ACTR6: variants seen among roughly 807,000 people sequenced by gnomAD.
ACTR6 encodes actin-related protein 6.
Under a neutral mutation model 52.5 loss-of-function variants are expected in ACTR6, and 50 were observed. The observed-to-expected ratio is 0.95, with a 90% CI of 0.76 to 1.20. The LOEUF is 1.20. Ranked by LOEUF, ACTR6 falls within the 50% of genes most tolerant of loss-of-function variation. The pLI, the probability that ACTR6 is intolerant of heterozygous loss-of-function variation, is 0.00. For synonymous variants in ACTR6, 135 were observed against 147.2 expected, an observed-to-expected ratio of 0.92 and a Z score of 0.60; for missense variants, 344 against 472.4, an observed-to-expected ratio of 0.73 and a Z score of 2.52.
chr12:100,208,853 C>T (rs1289871584), intron 4 of ACTR6: 11 of 441,068 alleles, frequency 2.5e-5, no homozygotes, highest in Middle Eastern at 5.9e-4. Flanking sequence ...CTCAAGGGAT[C>T]CTCCCGCCTC....
chr12:100,222,261 T>TG (rs1566299117), intron 10 of ACTR6, among the ~76,000 whole-genome samples: 2 of 148,674 alleles, frequency 1.3e-5, no homozygotes, highest in African/African-American at 5.0e-5. Context: ...CTTTGGGTTT[T>TG]TTTTTTTTTT....
rs753713858 is a variant in ACTR6 at position 100,218,479 on chromosome 12, A to T, written c.815A>T (p.Asn272Ile). Residue 272 changes from asparagine (N) to isoleucine (I), a missense_variant, in exon 9 of 11, where the codon AAT (asparagine) becomes ATT (isoleucine). By Grantham distance (149) the Asn-to-Ile change is moderately radical. Transcript: ENST00000188312. The surrounding 1 kb of genome is among the most constrained non-coding windows in gnomAD (Gnocchi z 4.2). Reference sequence around the variant, plus strand: ...GGGGAACAAATTCTTCGTTTGGCCAATGAGAGATTTGCTGTTCCGGAAATA... The same window carrying T: ...GGGGAACAAATTCTTCGTTTGGCCATTGAGAGATTTGCTGTTCCGGAAATA... ...KSGEQILRLA[N>I]ERFAVPEILF... 1.2e-6 allele frequency: 2 copies of T among 1,609,302 alleles called. No individual in the cohort carries two copies. Among genetic ancestry groups the T allele is most frequent in the Non-Finnish European group, 1.7e-6 (2 of 1,177,858 alleles).
At chr12:100,209,277 A>G (rs1346843613) in intron 4 of ACTR6, among the ~76,000 whole-genome samples, 1 of 152,216 alleles carries the variant, frequency 6.6e-6, no homozygotes, top group Non-Finnish European at 1.5e-5. Flanking sequence ...TCATGCCTGT[A>G]ATCCCAGAAC....
At chr12:100,207,509 C>A (rs1026120161) in intron 3 of ACTR6, among the ~76,000 whole-genome samples, 154 bp from the exon 4 acceptor site, 2 of 152,168 alleles carry the variant, frequency 1.3e-5, no homozygotes, top group South Asian at 4.1e-4. Context: ...ACTTATTTAA[C>A]TTTTCTGTGC....
intron 6 of ACTR6, among the ~76,000 whole-genome samples, chr12:100,210,947 T>C (rs1320155065): frequency 6.6e-6 from 1 of 152,178 alleles, no homozygotes; most frequent in Non-Finnish European, 1.5e-5. Context: ...CTAATTGGCT[T>C]TCCATCGCTA....
intron 1 of ACTR6, chr12:100,203,879 G>A: frequency 6.6e-6 from 1 of 152,114 alleles, no homozygotes; most frequent in Non-Finnish European, 1.5e-5. Context: ...TCGATCTCCT[G>A]ACCTCGTGAT....
chr12:100,220,014 A>AGCCG lies in ACTR6; in HGVS notation c.930_933dup (p.His312AlafsTer5). ...TCCTTTTCTTCTTTTAAAGAAATGC[A>AGCCG]GCCGCATTTTTTTAAGAACATTGTC... On this transcript the variant is annotated frameshift_variant, in exon 10 of 11. Transcript: ENST00000188312. LOFTEE classifies it high-confidence loss of function. 6.2e-7 allele frequency: 1 copy of AGCCG among 1,612,670 alleles called. No homozygotes were observed. The highest frequency in any genetic ancestry group is 8.5e-7 in the Non-Finnish European group (1 of 1,179,522).
chr12:100,216,951 CATGGAATTCCCA>C (rs1224808370), intron 8 of ACTR6, among the ~76,000 whole-genome samples: 1 of 152,050 alleles, frequency 6.6e-6, no homozygotes. Flanking sequence ...ATGTTTTGAG[CATGGAATTCCCA>C]AATGATCAAA....
chr12:100,207,736 A>G lies in ACTR6; in HGVS notation c.329A>G (p.Asn110Ser), dbSNP rs2096116081. The part of the protein sequence containing the change: ...FNFTSIQESM[N>S]EILFEEYQFQ... ...TTCACTTCAATTCAAGAATCAATGA[A>G]TGAAATTCTATTTGAAGAATACCAG... Residue 110 changes from asparagine (N) to serine (S), a missense_variant, in exon 4 of 11, where the codon AAT (asparagine) becomes AGT (serine). Physicochemically the swap from Asn to Ser is conservative, Grantham distance 46 (BLOSUM62 1). Transcript: ENST00000188312. 1.3e-6 allele frequency: 2 copies of G among 1,595,248 alleles called. No homozygotes were observed.
At chr12:100,210,260 T>C (rs768429094) in intron 5 of ACTR6, 35 bp from the exon 6 acceptor site, 3 of 1,609,918 alleles carry the variant, frequency 1.9e-6, no homozygotes, top group Non-Finnish European at 2.6e-6. Context: ...CAGAATGATA[T>C]GTGCGATAAT....
intron 8 of ACTR6, among the ~76,000 whole-genome samples, chr12:100,217,410 AC>A (rs574088828): frequency 3.0e-4 from 45 of 152,274 alleles, no homozygotes; most frequent in African/African-American, 1.1e-3. Context: ...ATATTAAGGG[AC>A]CTATCCTTTT....
chr12:100,223,653 G>C, intron 10 of ACTR6, 133 bp from the exon 11 acceptor site: 2 of 1,057,430 alleles, frequency 1.9e-6, no homozygotes, highest in Non-Finnish European at 2.7e-6. Context: ...CTGTTGGGTT[G>C]GGTAGAGCTT....
Position 100,200,837 on chromosome 12 carries a change from G to GT in ACTR6, c.-14dup. The GT allele has an allele frequency of 6.2e-7, 1 of 1,614,002 alleles. No homozygotes were observed. The highest frequency in any genetic ancestry group is 8.5e-7 in the Non-Finnish European group (1 of 1,179,864). On this transcript the variant is annotated 5_prime_UTR_variant, in exon 1 of 11. Transcript: ENST00000188312. ...AAGGGAAAACAACTACGGCTGCGGT[G>GT]TGGTTGGTGGTGAGATGACGACCTT...
chr12:100,218,653 C>A lies in ACTR6; in HGVS notation c.922+67C>A. ...TAAAAACATCATAAGCCCTGTGAAC[C>A]CTGTTTCCTCTAAATAATTTCAGGC... On this transcript the variant is annotated intron_variant, in intron 9 of 10. Transcript: ENST00000188312. This position sits in a 1 kb window ranked among gnomAD's most constrained non-coding sequence, Gnocchi z 4.2. 1 of 1,081,414 alleles carries A rather than the reference C, an allele frequency of 9.2e-7. No individual in the cohort carries two copies. The highest frequency in any genetic ancestry group is 3.6e-5 in the South Asian group (1 of 27,934). 67.0% of individuals were successfully genotyped at this position (1,081,414 alleles called of 1,614,324 possible). A position where few individuals can be genotyped will look rare whatever the true frequency, so the allele number is the denominator to read the frequency against.
intron 3 of ACTR6, among the ~76,000 whole-genome samples, chr12:100,206,939 CAAAGTCCTGGG>C (rs963100604): frequency 6.6e-6 from 1 of 151,846 alleles, no homozygotes. Flanking sequence ...CTCAGCCTCC[CAAAGTCCTGGG>C]ATTACAAGCT....
At chr12:100,202,857 C>CA (rs541518616) in intron 1 of ACTR6, among the ~76,000 whole-genome samples, 12,834 of 110,170 alleles carry the variant, frequency 0.12, 779 homozygotes, top group African/African-American at 0.2. Context: ...GACTCGGTCT[C>CA]AAAAAAAAAA....
intron 6 of ACTR6, 28 bp downstream of exon 6, chr12:100,210,379 G>A (rs1279469858): frequency 1.2e-6 from 2 of 1,605,650 alleles, no homozygotes; most frequent in Non-Finnish European, 8.5e-7. Flanking sequence ...TTCTTTGGGA[G>A]GATGGGGCTC....
chr12:100,205,308 A>T (rs567126203), intron 2 of ACTR6: 36 of 333,766 alleles, frequency 1.1e-4, no homozygotes, highest in Non-Finnish European at 1.6e-4. Context: ...TAGGGAGGCA[A>T]CTGTATATAT....
chr12:100,207,678 A>G lies in ACTR6; in HGVS notation c.271A>G (p.Thr91Ala). Residue 91 changes from threonine (T) to alanine (A), a missense_variant, in exon 4 of 11, where the codon ACT becomes GCT. Thr to Ala is a moderately conservative substitution (Grantham distance 58, BLOSUM62 0). Coordinates refer to ENST00000188312, the MANE Select transcript of ACTR6 (RefSeq NM_022496.5). ...KEMYQVDFLD[T>A]NIIITEPYFN... ...TCTCCTATAGGTTGATTTTTTAGAT[A>G]CTAATATTATTATCACTGAACCATA... The G allele has an allele frequency of 6.6e-7, 1 of 1,521,960 alleles. No individual in the cohort carries two copies. The highest frequency in any genetic ancestry group is 1.8e-4 in the Middle Eastern group (1 of 5,432). 94.3% of individuals were successfully genotyped at this position (1,521,960 alleles called of 1,614,324 possible). A position where few individuals can be genotyped will look rare whatever the true frequency, so the allele number is the denominator to read the frequency against.
Sources: gnomAD v4.1 joint callset for allele counts (sites outside exome capture counted in the v4.1 genomes callset) on GRCh38, gnomAD v4.1.1 for gene constraint, Gnocchi (gnomAD v3.1) non-coding constraint, MANE v1.5 for transcripts, NCBI Gene and HGNC (gene_info 2026-07-23, HGNC 2026-07-21) for gene names.